CNTN4: variants seen among roughly 807,000 people sequenced by gnomAD.
The protein encoded by CNTN4 is contactin-4.
CNTN4 carries 77 observed loss-of-function variants against 122.5 expected under a neutral mutation model. The ratio of observed to expected loss-of-function variants is 0.63; its 90% CI spans 0.52 to 0.76. CNTN4 has a LOEUF of 0.76. Ranked by LOEUF, CNTN4 falls within the 30% of genes least tolerant of loss-of-function variation. The probability of loss-of-function intolerance (pLI) is 0.00; values close to 1 mark genes in which losing one functional copy is unlikely to be tolerated. For missense variants in CNTN4, 1,256 were observed against 1,259.1 expected (o/e 1.00, Z 0.04); for synonymous variants, 512 against 447.0 (o/e 1.15, Z -1.83).
chr3:2,124,744 G>A (rs960095347), intron 2 of CNTN4, among the ~76,000 whole-genome samples: 1 of 152,112 alleles, frequency 6.6e-6, no homozygotes, highest in African/African-American at 2.4e-5. Context: ...CTCTACTCCA[G>A]CCTGGAAGAG....
chr3:2,829,221 G>A (rs1161397215), intron 7 of CNTN4, among the ~76,000 whole-genome samples: 2 of 152,122 alleles, frequency 1.3e-5, no homozygotes, highest in Non-Finnish European at 2.9e-5. Context: ...ATAGAATAAT[G>A]TAAAACAGTT....
chr3:2,601,498 A>G (rs1215575059), intron 4 of CNTN4, among the ~76,000 whole-genome samples: 1 of 152,228 alleles, frequency 6.6e-6, no homozygotes, highest in African/African-American at 2.4e-5. Context: ...TTTGTCAAAG[A>G]TCGGATGGTT....
intron 6 of CNTN4, among the ~76,000 whole-genome samples, chr3:2,753,875 CTA>C (rs1260401098): frequency 1.3e-5 from 2 of 152,136 alleles, no homozygotes; most frequent in Non-Finnish European, 2.9e-5. Context: ...CATGCAATGA[CTA>C]TACATAAATT....
At chr3:3,037,075 CAAT>C in intron 17 of CNTN4, 101 bp from the exon 18 acceptor site, 3 of 1,341,290 alleles carry the variant, frequency 2.2e-6, no homozygotes, top group Non-Finnish European at 3.2e-6. Flanking sequence ...GCCCTGAATA[CAAT>C]AATGATGAGG....
chr3:2,633,316 A>G (rs1460466483), intron 4 of CNTN4, among the ~76,000 whole-genome samples: 1 of 152,216 alleles, frequency 6.6e-6, no homozygotes. Context: ...GGATTCATCA[A>G]GAACATTTTA....
intron 12 of CNTN4, among the ~76,000 whole-genome samples, chr3:2,904,196 G>A (rs966457615): frequency 6.6e-6 from 1 of 152,168 alleles, no homozygotes; most frequent in Non-Finnish European, 1.5e-5. Flanking sequence ...TCCTTGGTGA[G>A]AGCATAATGG....
intron 3 of CNTN4, among the ~76,000 whole-genome samples, chr3:2,545,121 A>T (rs373088075): frequency 6.6e-6 from 1 of 151,944 alleles, no homozygotes; most frequent in Non-Finnish European, 1.5e-5. Flanking sequence ...CCTTAATTTC[A>T]TTATCTACCC....
chr3:2,110,935 A>C (rs1350251107), intron 2 of CNTN4, among the ~76,000 whole-genome samples: 1 of 152,212 alleles, frequency 6.6e-6, no homozygotes. Context: ...ATGTTAGTGA[A>C]AATTCCTGTG....
At chr3:3,022,296 G>A (rs992681566) in intron 14 of CNTN4, among the ~76,000 whole-genome samples, 1 of 152,126 alleles carries the variant, frequency 6.6e-6, no homozygotes, top group African/African-American at 2.4e-5. Context: ...CATGCCTCTA[G>A]TCCTACCTTG....
intron 4 of CNTN4, among the ~76,000 whole-genome samples, chr3:2,607,588 A>G (rs1000471604): frequency 4.8e-5 from 7 of 145,310 alleles, no homozygotes; most frequent in African/African-American, 1.1e-4. Flanking sequence ...CCAAAATAAT[A>G]CGTGTGTATA....
At chr3:2,263,070 G>T (rs1244863121) in intron 2 of CNTN4, among the ~76,000 whole-genome samples, 1 of 152,114 alleles carries the variant, frequency 6.6e-6, no homozygotes, top group Non-Finnish European at 1.5e-5. Context: ...ATGTGTGGCT[G>T]CAAAAAAGGC....
In CNTN4 at chr3:2,866,939, G is replaced by C; in HGVS notation, c.642G>C (p.Leu214Phe). The C allele has an allele frequency of 1.2e-6, 2 of 1,613,526 alleles. No individual in the cohort carries two copies. The highest frequency in any genetic ancestry group is 1.7e-6 in the Non-Finnish European group (2 of 1,179,570). Residue 214 changes from leucine to phenylalanine, a missense_variant, in exon 8 of 25, where the codon TTG (leucine) becomes TTC (phenylalanine). By Grantham distance (22) the Leu-to-Phe change is conservative. Coordinates refer to ENST00000418658, the MANE Select transcript of CNTN4 (RefSeq NM_175607.3). ...KVLGPPTPLI[L>F]RNDGVMGEYE... ...TGGGGCCACCTACACCACTAATATT[G>C]AGAAATGATGGTGAGTTTTCAAGTA... is the stretch of plus-strand genomic sequence containing the variant.
intron 4 of CNTN4, among the ~76,000 whole-genome samples, chr3:2,572,054 A>G (rs1468570961): frequency 2.6e-5 from 4 of 152,158 alleles, no homozygotes; most frequent in Non-Finnish European, 5.9e-5. Context: ...GGAGGTTTTT[A>G]CCATATACTC....
At chr3:2,666,108 C>G (rs1015091951) in intron 4 of CNTN4, among the ~76,000 whole-genome samples, 33 of 152,320 alleles carry the variant, frequency 2.2e-4, no homozygotes, top group African/African-American at 7.5e-4. Flanking sequence ...CACACCCAAG[C>G]TAGCAATAGA....
intron 2 of CNTN4, among the ~76,000 whole-genome samples, chr3:2,300,858 C>T (rs941420350): frequency 4.0e-5 from 6 of 151,848 alleles, no homozygotes; most frequent in Admixed American, 1.3e-4. Context: ...TGTGAGCCAC[C>T]GTGCCTGGCC....
chr3:2,373,004 A>G (rs1196181178), intron 3 of CNTN4, among the ~76,000 whole-genome samples: 2 of 152,166 alleles, frequency 1.3e-5, no homozygotes, highest in Non-Finnish European at 2.9e-5. Flanking sequence ...CCAAGATCTC[A>G]CCACTGCACC....
intron 2 of CNTN4, among the ~76,000 whole-genome samples, chr3:2,263,474 C>T (rs377115049): frequency 3.0e-4 from 45 of 151,934 alleles, no homozygotes; most frequent in South Asian, 1.5e-3. Flanking sequence ...TATCATTTTT[C>T]TTTCTTTAAT....
intron 3 of CNTN4, among the ~76,000 whole-genome samples, chr3:2,378,747 TGAA>T (rs904847240): frequency 5.9e-5 from 9 of 151,824 alleles, no homozygotes; most frequent in African/African-American, 2.2e-4. Context: ...TTTTTTTTTT[TGAA>T]GAAGGATTAC....
At chr3:2,525,447 AAGTCCAT>A (rs2149187205) in intron 3 of CNTN4, among the ~76,000 whole-genome samples, 1 of 152,288 alleles carries the variant, frequency 6.6e-6, no homozygotes, top group Non-Finnish European at 1.5e-5. Context: ...AAATATTTTA[AAGTCCAT>A]ATATATCTGT....
Sources: gnomAD v4.1 joint callset for allele counts (sites outside exome capture counted in the v4.1 genomes callset) on GRCh38, gnomAD v4.1.1 for gene constraint, MANE v1.5 for transcripts, NCBI Gene and HGNC (gene_info 2026-07-23, HGNC 2026-07-21) for gene names.